INPP4B: variants seen among roughly 807,000 people sequenced by gnomAD.
INPP4B encodes inositol polyphosphate 4-phosphatase type II.
A neutral mutation model predicts 122.5 loss-of-function variants in INPP4B; 55 were observed. That is an observed-to-expected ratio of 0.45 (90% CI 0.36 to 0.56). INPP4B has a LOEUF of 0.56. Ranked by LOEUF, INPP4B falls within the 20% of genes least tolerant of loss-of-function variation. INPP4B has a pLI of 0.00. For missense variants in INPP4B, 1,000 were observed against 1,097.7 expected (o/e 0.91, Z 1.26); for synonymous variants, 403 against 388.7 (o/e 1.04, Z -0.43).
In INPP4B at chr4:142,305,339, A is replaced by C; in HGVS notation, c.503+119T>G. 12 of 720,846 alleles carry C rather than the reference A, an allele frequency of 1.7e-5. No homozygotes were observed. The South Asian group carries it at 2.2e-4, about 13-fold the overall frequency. 44.7% of individuals were successfully genotyped at this position (720,846 alleles called of 1,614,324 possible). A position where few individuals can be genotyped will look rare whatever the true frequency, so the allele number is the denominator to read the frequency against. ...ATAACTTGCTGCAGTGGAGAACATT[A>C]GCTATTTGAGAACTGACATCTAACA... On this transcript the variant is annotated intron_variant, in intron 9 of 25. Coordinates refer to ENST00000262992, the MANE Select transcript of INPP4B (RefSeq NM_001101669.3).
chr4:142,579,875 G>GATAGA (rs1439535259), intron 2 of INPP4B, among the ~76,000 whole-genome samples: 9 of 99,032 alleles, frequency 9.1e-5, no homozygotes, highest in African/African-American at 3.2e-4. Context: ...AGATAGATAG[G>GATAGA]TAGGTAGATA....
chr4:142,257,953 T>C (rs1351431296), intron 11 of INPP4B, among the ~76,000 whole-genome samples: 2 of 152,148 alleles, frequency 1.3e-5, no homozygotes, highest in Non-Finnish European at 2.9e-5. Context: ...CTTCAGACTA[T>C]ACTACAAGGC....
intron 9 of INPP4B, among the ~76,000 whole-genome samples, chr4:142,274,558 A>C (rs1242306868): frequency 6.6e-6 from 1 of 151,806 alleles, no homozygotes; most frequent in Non-Finnish European, 1.5e-5. Flanking sequence ...GTGACTTAGC[A>C]CTTATATCCA....
At chr4:142,173,559 G>A (rs1826571286) in intron 16 of INPP4B, 73 bp downstream of exon 16, 5 of 1,269,970 alleles carry the variant, frequency 3.9e-6, no homozygotes, top group African/African-American at 1.5e-5. Context: ...GAATGGCGAT[G>A]TATGCAGAAA....
At chr4:142,785,555 C>A (rs1775642546) in intron 1 of INPP4B, among the ~76,000 whole-genome samples, 1 of 151,848 alleles carries the variant, frequency 6.6e-6, no homozygotes. Context: ...CTCTTGATGG[C>A]CTGTAAGTAG....
intron 2 of INPP4B, among the ~76,000 whole-genome samples, chr4:142,718,431 C>CA (rs2150826549): frequency 6.6e-6 from 1 of 152,244 alleles, no homozygotes; most frequent in East Asian, 1.9e-4. Flanking sequence ...AAGACAGATG[C>CA]CCCAATCGGA....
At chr4:142,273,593 A>G (rs1345730876) in intron 9 of INPP4B, among the ~76,000 whole-genome samples, 1 of 151,890 alleles carries the variant, frequency 6.6e-6, no homozygotes, top group Non-Finnish European at 1.5e-5. Flanking sequence ...AGCTCTATCT[A>G]TTCCCTTTCT....
At chr4:142,836,754 C>T (rs1347487105) in intron 1 of INPP4B, among the ~76,000 whole-genome samples, 6 of 101,290 alleles carry the variant, frequency 5.9e-5, no homozygotes, top group South Asian at 3.8e-4. Context: ...ACAAGAAATA[C>T]GACATTCAAC....
chr4:142,547,155 G>T (rs1829736721), intron 2 of INPP4B, among the ~76,000 whole-genome samples: 4 of 148,098 alleles, frequency 2.7e-5, no homozygotes, highest in South Asian at 2.1e-4. Context: ...ACTTTCCCAT[G>T]GCAATGAGGA....
chr4:142,806,849 A>AAGAG (rs1561091771), intron 1 of INPP4B, among the ~76,000 whole-genome samples: 17 of 150,028 alleles, frequency 1.1e-4, no homozygotes, highest in Middle Eastern at 6.8e-3. Flanking sequence ...GAAAGAAAGA[A>AAGAG]AGGAGAAGAA....
chr4:142,368,746 C>G (rs1299108818), intron 7 of INPP4B, among the ~76,000 whole-genome samples: 5 of 150,980 alleles, frequency 3.3e-5, no homozygotes, highest in African/African-American at 1.2e-4. Context: ...CAAAGAGTTG[C>G]ACAGGAAATA....
chr4:142,229,968 A>T (rs186480235), intron 12 of INPP4B, among the ~76,000 whole-genome samples: 1 of 152,292 alleles, frequency 6.6e-6, no homozygotes, highest in East Asian at 1.9e-4. Flanking sequence ...TGATATTTAG[A>T]TGGGAAGTAA....
At position 142,030,345 on chromosome 4, in the gene INPP4B, A is replaced by G. The variant is rs1199027677; in HGVS notation, c.2643-1431T>C. On this transcript the variant is annotated intron_variant, in intron 25 of 25. Transcript: ENST00000262992. ...GTTGGGGGGGAAAAGAAAATAGTAT[A>G]GAGTTCACACAGTAAAAAAAATTCA... 3 of 1,510,196 alleles carry G rather than the reference A, an allele frequency of 2.0e-6. No individual in the cohort carries two copies. In the Admixed American group the frequency reaches 5.9e-5, roughly 30 times the overall value. 93.5% of individuals were successfully genotyped at this position (1,510,196 alleles called of 1,614,324 possible).
At chr4:142,665,490 T>C (rs1755870564) in intron 2 of INPP4B, among the ~76,000 whole-genome samples, 1 of 69,784 alleles carries the variant, frequency 1.4e-5, no homozygotes. Flanking sequence ...CGAGACTCTG[T>C]CTCAAAAAAA....
At chr4:142,030,244 C>G in intron 25 of INPP4B, 1 of 1,535,526 alleles carries the variant, frequency 6.5e-7, no homozygotes, top group East Asian at 2.4e-5. Flanking sequence ...GGCTTGTTAT[C>G]AGTTAGACAG....
At chr4:142,383,586 A>G (rs1427327362) in intron 7 of INPP4B, among the ~76,000 whole-genome samples, 2 of 152,120 alleles carry the variant, frequency 1.3e-5, no homozygotes, top group Non-Finnish European at 2.9e-5. Context: ...CTTGCAACTT[A>G]ACTCAACCAC....
intron 1 of INPP4B, among the ~76,000 whole-genome samples, chr4:142,811,130 G>A (rs902442433): frequency 4.6e-5 from 7 of 152,176 alleles, no homozygotes; most frequent in Non-Finnish European, 8.8e-5. Flanking sequence ...AGCAGTAGAG[G>A]CTGAGATTGG....
At chr4:142,056,563 T>A (rs972844784) in intron 25 of INPP4B, among the ~76,000 whole-genome samples, 1 of 152,016 alleles carries the variant, frequency 6.6e-6, no homozygotes, top group African/African-American at 2.4e-5. Context: ...GATAGGAACA[T>A]GAAAAAAGTC....
chr4:142,649,311 TCTC>T (rs2150525925), intron 2 of INPP4B, among the ~76,000 whole-genome samples: 1 of 152,246 alleles, frequency 6.6e-6, no homozygotes, highest in Admixed American at 6.5e-5. Flanking sequence ...GAGTGCCTCT[TCTC>T]CTCCAAAGGA....
Sources: allele counts gnomAD v4.1 joint callset (sites outside exome capture counted in the v4.1 genomes callset), GRCh38; gene constraint gnomAD v4.1.1; transcripts MANE v1.5; gene names NCBI Gene and HGNC (gene_info 2026-07-23, HGNC 2026-07-21).